ARHGEF40: variants seen among roughly 807,000 people sequenced by gnomAD.
The protein encoded by ARHGEF40 is Rho guanine nucleotide exchange factor 40, also known as Rho guanine nucleotide exchange factor (GEF) 40.
Under a neutral mutation model 165.9 loss-of-function variants are expected in ARHGEF40, and 98 were observed. The observed-to-expected ratio is 0.59, with a 90% CI of 0.50 to 0.70. The LOEUF (loss-of-function observed/expected upper bound fraction) is 0.70. ARHGEF40 is among the 30% of genes least tolerant of loss of function. ARHGEF40 has a pLI of 0.00. For missense variants in ARHGEF40, 1,815 were observed against 1,968.0 expected, an observed-to-expected ratio of 0.92 and a Z score of 1.47; for synonymous variants, 792 against 814.3, an observed-to-expected ratio of 0.97 and a Z score of 0.47.
intron 16 of ARHGEF40, among the ~76,000 whole-genome samples, chr14:21,083,569 A>C (rs1888103747): frequency 6.6e-6 from 1 of 152,164 alleles, no homozygotes; most frequent in Admixed American, 6.5e-5. Flanking sequence ...GAAGAAAAGA[A>C]AAGAAAAGTT....
At chr14:21,064,627 T>C in the ARHGEF40 span, among the ~76,000 whole-genome samples, 2 of 151,916 alleles carry the variant, frequency 1.3e-5, no homozygotes, top group Admixed American at 6.6e-5. Context: ...CTAAAGACAA[T>C]GTAGGCAAAA....
At chr14:21,064,345 A>G in the ARHGEF40 span, among the ~76,000 whole-genome samples, 1 of 151,952 alleles carries the variant, frequency 6.6e-6, no homozygotes, top group East Asian at 1.9e-4. Context: ...TCTGTTGCCC[A>G]GGCTGCAGTG....
In ARHGEF40 at chr14:21,085,744, T is replaced by G. The variant is rs1221105052; in HGVS notation, c.4016T>G (p.Leu1339Trp). ...NIGDSGLCFE[L>W]WFRRRRAREA... Reference sequence around the variant, plus strand: ...GGGGACAGCGGACTCTGCTTTGAGTTGTGGTTTCGGCGGCGGCGTGCACGA... The same window carrying G: ...GGGGACAGCGGACTCTGCTTTGAGTGGTGGTTTCGGCGGCGGCGTGCACGA... The change falls in exon 19 of 24, where the codon TTG (leucine) becomes TGG (tryptophan). Residue 1339 changes from leucine to tryptophan, a missense_variant. Coordinates refer to ENST00000298694, the MANE Select transcript of ARHGEF40 (RefSeq NM_018071.5). The G allele has an allele frequency of 1.9e-6, 3 of 1,614,196 alleles. No homozygotes were observed. The highest frequency in any genetic ancestry group is 2.5e-6 in the Non-Finnish European group (3 of 1,180,042).
intron 11 of ARHGEF40, 111 bp from the exon 12 acceptor site, chr14:21,080,549 A>G (rs1012428010): frequency 6.2e-5 from 77 of 1,233,096 alleles, no homozygotes; most frequent in Non-Finnish European, 7.8e-5. Flanking sequence ...ATGAGATGCA[A>G]TAGTTCACTC....
At chr14:21,081,272 C>T (rs997769252) in intron 13 of ARHGEF40, 10 of 774,650 alleles carry the variant, frequency 1.3e-5, no homozygotes, top group Admixed American at 1.2e-4. Flanking sequence ...TAGCACAGAG[C>T]CTGCCACTCA....
chr14:21,090,151 C>T lies in ARHGEF40; in HGVS notation c.*1143C>T, dbSNP rs1026219593. ...ATGACAGGAATCGTACCAAAAATAG[C>T]GACGTCTACAGGGCCCCTGATGGGG... On this transcript the variant is annotated 3_prime_UTR_variant, in exon 24 of 24. Transcript: ENST00000298694. The surrounding 1 kb of genome is among the most constrained non-coding windows in gnomAD (Gnocchi z 4.4). The T allele has an allele frequency of 1.7e-5, 8 of 474,676 alleles. No homozygotes were observed. The highest frequency in any genetic ancestry group is 4.0e-5 in the African/African-American group (2 of 50,478). The allele number at this position is 474,676 out of a possible 1,614,324, so 29.4% of individuals were successfully genotyped here.
Position 21,073,962 on chromosome 14 carries a change from G to C in ARHGEF40, c.232G>C (p.Glu78Gln), listed in dbSNP as rs1887183613. Residue 78 changes from glutamate (E) to glutamine (Q), a missense_variant, in exon 3 of 24, where the codon GAG becomes CAG. Glu to Gln is a conservative substitution (Grantham distance 29). Transcript: ENST00000298694. The surrounding 1 kb of genome is among the most constrained non-coding windows in gnomAD (Gnocchi z 4.6). ...ATACAGTGGATTCCTCTTCTTCCAT[G>C]AGGGGTGGCCGCTCTGCCTGCATGA... ...AQYSGFLFFH[E>Q]GWPLCLHEQV... 6.2e-7 allele frequency: 1 copy of C among 1,608,542 alleles called. No individual in the cohort carries two copies. The highest frequency in any genetic ancestry group is 1.3e-5 in the African/African-American group (1 of 74,892).
At chr14:21,071,490 AAAAG>A (rs1364181522) in intron 1 of ARHGEF40, among the ~76,000 whole-genome samples, 1 of 152,080 alleles carries the variant, frequency 6.6e-6, no homozygotes, top group Non-Finnish European at 1.5e-5. Context: ...GGCTGGAGGA[AAAAG>A]AAAGAGGAAC....
Position 21,087,970 on chromosome 14 carries a change from C to G in ARHGEF40, c.4390C>G (p.Pro1464Ala). Residue 1464 changes from proline to alanine, a missense_variant and splice_region_variant, in exon 22 of 24, where the codon CCA becomes GCA. Transcript: ENST00000298694. ...TCTCACCCTAGCTTCCCCTTCAGCC[C>G]CAGAAACACTTGACTCTTCTGGAGA... is the stretch of plus-strand genomic sequence containing the variant. ...DLDVKQISLAPETLDSSGDVS... is the reference protein window; with the variant it reads ...DLDVKQISLAAETLDSSGDVS... The G allele has an allele frequency of 6.2e-7, 1 of 1,613,996 alleles. No homozygotes were observed. The highest frequency in any genetic ancestry group is 8.5e-7 in the Non-Finnish European group (1 of 1,180,008).
chr14:21,083,700 G>T, intron 16 of ARHGEF40, 135 bp from the exon 17 acceptor site: 1 of 723,582 alleles, frequency 1.4e-6, no homozygotes, highest in Non-Finnish European at 2.2e-6. Context: ...GAATGGTTTT[G>T]CCTTACTTTA....
chr14:21,068,042 C>A (rs1277156956), upstream of ARHGEF40, among the ~76,000 whole-genome samples: 1 of 8,696 alleles, frequency 1.1e-4, no homozygotes, highest in African/African-American at 1.7e-4. Context: ...CTCTGTCGCC[C>A]AGGCTGGAGT....
intron 22 of ARHGEF40, 81 bp downstream of exon 22, chr14:21,088,179 A>AG: frequency 6.8e-7 from 1 of 1,477,982 alleles, no homozygotes; most frequent in Non-Finnish European, 9.0e-7. Context: ...ATTCAACCCC[A>AG]GGGGGGTTGG....
chr14:21,086,902 G>A, intron 19 of ARHGEF40, 99 bp from the exon 20 acceptor site: 1 of 931,150 alleles, frequency 1.1e-6, no homozygotes, highest in Non-Finnish European at 1.6e-6. Context: ...GGATTGGGAA[G>A]GAACGAAAAA....
upstream of ARHGEF40, chr14:21,070,249 G>T: frequency 1.2e-6 from 1 of 850,788 alleles, no homozygotes; most frequent in Non-Finnish European, 1.5e-6. The surrounding 1 kb of genome is among the most constrained non-coding windows in gnomAD (Gnocchi z 4.7). Context: ...GGGCCCCGCG[G>T]CCTGGAAGCC....
In ARHGEF40 at chr14:21,076,388, G is replaced by T; in HGVS notation, c.1768G>T (p.Val590Phe). 6.2e-7 allele frequency: 1 copy of T among 1,613,470 alleles called. No individual in the cohort carries two copies. Among genetic ancestry groups the T allele is most frequent in the African/African-American group, 1.3e-5 (1 of 75,042 alleles). The part of the protein sequence containing the change: ...RPDLQTLGLS[V>F]LLDLRQAPPL... Reference sequence around the variant, plus strand: ...TGATCTACAGACACTGGGGCTGTCCGTCCTGCTGGACCTTCGTCAGGCACC... The same window carrying T: ...TGATCTACAGACACTGGGGCTGTCCTTCCTGCTGGACCTTCGTCAGGCACC... The change falls in exon 6 of 24, where the codon GTC (valine) becomes TTC (phenylalanine). Residue 590 changes from valine to phenylalanine, a missense_variant. Transcript: ENST00000298694.
intron 21 of ARHGEF40, 87 bp from the exon 22 acceptor site, chr14:21,087,881 C>T: frequency 1.9e-6 from 3 of 1,581,250 alleles, no homozygotes; most frequent in Non-Finnish European, 2.6e-6. Flanking sequence ...TGCTATGGAG[C>T]TTTTTCTTCC....
chr14:21,080,232 ACACACACACACACACACC>A (rs1042839503), intron 11 of ARHGEF40, among the ~76,000 whole-genome samples: 2 of 141,932 alleles, frequency 1.4e-5, no homozygotes, highest in African/African-American at 5.2e-5. Context: ...ACACACACAC[ACACACACACACACACACC>A]CCTTCTGTAC....
intron 16 of ARHGEF40, 111 bp from the exon 17 acceptor site, chr14:21,083,696 TTTTGCCTTACTTTAGGGAGCATCTGGGC>T: frequency 2.8e-6 from 2 of 702,774 alleles, no homozygotes; most frequent in Non-Finnish European, 2.3e-6. Flanking sequence ...GGGAGAATGG[TTTTGCCTTACTTTAGGGAGCATCTGGGC>T]TTCATCTATA....
rs987487137 is a variant in ARHGEF40 at position 21,090,235 on chromosome 14, T to A, written c.*1227T>A. 7 of 638,228 alleles carry A rather than the reference T, an allele frequency of 1.1e-5. No homozygotes were observed. The highest frequency in any genetic ancestry group is 1.5e-5 in the Non-Finnish European group (5 of 343,362). 39.5% of individuals were successfully genotyped at this position (638,228 alleles called of 1,614,324 possible). On this transcript the variant is annotated 3_prime_UTR_variant, in exon 24 of 24. Coordinates refer to ENST00000298694, the MANE Select transcript of ARHGEF40 (RefSeq NM_018071.5). This position sits in a 1 kb window ranked among gnomAD's most constrained non-coding sequence, Gnocchi z 4.4. ...TTGTACAAAAATAAACTCTCACGCCTATGGACCAGCAAAGACTGGCAGAGT... is the reference window on the plus strand; with the variant it reads ...TTGTACAAAAATAAACTCTCACGCCAATGGACCAGCAAAGACTGGCAGAGT...
Sources: allele counts gnomAD v4.1 joint callset (sites outside exome capture counted in the v4.1 genomes callset), GRCh38; gene constraint gnomAD v4.1.1; non-coding constraint Gnocchi (gnomAD v3.1); transcripts MANE v1.5; gene names NCBI Gene and HGNC (gene_info 2026-07-23, HGNC 2026-07-21).